Variants in KCNIP3 observed in about 807,000 individuals in gnomAD.
KCNIP3 encodes the protein calsenilin.
Under a neutral mutation model 35.0 loss-of-function variants are expected in KCNIP3, and 28 were observed. That is an observed-to-expected ratio of 0.80 (90% CI 0.59 to 1.10). The LOEUF (loss-of-function observed/expected upper bound fraction) is 1.10. KCNIP3 is among the 50% of genes least tolerant of loss of function. The pLI, the probability that KCNIP3 is intolerant of heterozygous loss-of-function variation, is 0.00. For synonymous variants in KCNIP3, 134 were observed against 133.8 expected (o/e 1.00, Z -0.01); for missense variants, 295 against 338.4 (o/e 0.87, Z 1.01).
intron 2 of KCNIP3, among the ~76,000 whole-genome samples, chr2:95,330,217 T>C (rs778278677): frequency 1.6e-4 from 24 of 152,082 alleles, no homozygotes; most frequent in Non-Finnish European, 3.1e-4. Context: ...CTGGGGCATC[T>C]CGAGGTGACA....
At chr2:95,333,119 A>AT (rs1678973298) in intron 2 of KCNIP3, among the ~76,000 whole-genome samples, 2 of 152,252 alleles carry the variant, frequency 1.3e-5, no homozygotes, top group African/African-American at 4.8e-5. Context: ...GTCACGCTGC[A>AT]GCTAGAGTGG....
chr2:95,298,208 C>T (rs1174749816), intron 1 of KCNIP3, among the ~76,000 whole-genome samples: 2 of 122,390 alleles, frequency 1.6e-5, no homozygotes, highest in Non-Finnish European at 3.4e-5. Context: ...CTGTGAGCTG[C>T]TCACACATTC....
At position 95,330,246 on chromosome 2, in the gene KCNIP3, T is replaced by C. The variant is rs79324912; in HGVS notation, c.181+19726T>C. On this transcript the variant is annotated intron_variant, in intron 2 of 8. Transcript: ENST00000295225. ...GGTGACAGGGGAGGCTGATTCTGAA[T>C]GGGTCCCTGGACAGGCCTCAGCCCA... 1.4e-3 allele frequency among the ~76,000 whole-genome samples: 210 copies of C among 152,212 alleles called. 6 individuals are homozygous for C. The East Asian group carries it at 0.037, about 27-fold the overall frequency.
At chr2:95,342,417 G>A (rs1020529237) in intron 2 of KCNIP3, among the ~76,000 whole-genome samples, 1 of 152,206 alleles carries the variant, frequency 6.6e-6, no homozygotes, top group African/African-American at 2.4e-5. Flanking sequence ...GCTTGGATTA[G>A]GGGCCTTCTT....
intron 1 of KCNIP3, among the ~76,000 whole-genome samples, chr2:95,306,674 G>A (rs1347005679): frequency 6.6e-6 from 1 of 152,182 alleles, no homozygotes; most frequent in African/African-American, 2.4e-5. Flanking sequence ...GGAGGGGCAC[G>A]GTGGGGCTGT....
At chr2:95,331,340 G>A (rs1195194212) in intron 2 of KCNIP3, among the ~76,000 whole-genome samples, 1 of 152,120 alleles carries the variant, frequency 6.6e-6, no homozygotes, top group Non-Finnish European at 1.5e-5. Context: ...TATTCACTGT[G>A]GTGGGAAAAA....
At position 95,384,389 on chromosome 2, in the gene KCNIP3, G is replaced by A. The variant is rs919099390; in HGVS notation, c.*340G>A. The A allele has an allele frequency of 2.7e-5, 10 of 370,388 alleles. No individual in the cohort carries two copies. The highest frequency in any genetic ancestry group is 7.6e-4 in the Middle Eastern group (1 of 1,322). 22.9% of individuals were successfully genotyped at this position (370,388 alleles called of 1,614,324 possible). On this transcript the variant is annotated 3_prime_UTR_variant, in exon 9 of 9. Coordinates refer to ENST00000295225, the MANE Select transcript of KCNIP3 (RefSeq NM_013434.5). ...GCTGGATGTCACCAAGAAGGGGCTC[G>A]AGTGCCCCTGCAGGGGAGGGTCCAA...
chr2:95,311,912 G>A (rs1457855905), intron 2 of KCNIP3: 1 of 152,242 alleles, frequency 6.6e-6, no homozygotes, highest in Non-Finnish European at 1.5e-5. Flanking sequence ...ACATGATGAG[G>A]TCACTAAAAG....
intron 2 of KCNIP3, among the ~76,000 whole-genome samples, chr2:95,325,156 A>G (rs370467954): frequency 8.5e-5 from 13 of 152,252 alleles, no homozygotes; most frequent in African/African-American, 2.9e-4. Context: ...TGGGGTCCAC[A>G]GGCCTGGACC....
intron 1 of KCNIP3, among the ~76,000 whole-genome samples, chr2:95,302,665 G>C (rs1444424013): frequency 6.6e-6 from 1 of 152,212 alleles, no homozygotes; most frequent in Non-Finnish European, 1.5e-5. Flanking sequence ...TTTTGCAGAT[G>C]AGTAAACTGA....
intron 3 of KCNIP3, 142 bp from the exon 4 acceptor site, chr2:95,374,706 C>A: frequency 1.0e-6 from 1 of 972,794 alleles, no homozygotes; most frequent in South Asian, 1.5e-5. Context: ...AGGCTTTCCA[C>A]AACCCAGGCC....
At chr2:95,352,655 C>G (rs145164529) in intron 2 of KCNIP3, among the ~76,000 whole-genome samples, 4 of 152,148 alleles carry the variant, frequency 2.6e-5, no homozygotes, top group Non-Finnish European at 5.9e-5. Context: ...TAAACTTCCT[C>G]TGCCCTCCCT....
At position 95,297,442 on chromosome 2, in the gene KCNIP3, C is replaced by T; in HGVS notation, c.4C>T (p.Gln2Ter). ...ACAGTTTTCTTCAGCGCCCAGGATGCAGCCGGCTAAGGTAGGTGCTGGGGG... is the reference window on the plus strand; with the variant it reads ...ACAGTTTTCTTCAGCGCCCAGGATGTAGCCGGCTAAGGTAGGTGCTGGGGG... M[Q>*]PAKEVTKASD... The change falls in exon 1 of 9, where the codon CAG becomes TAG. Residue 2 changes from glutamine to a stop codon, truncating the protein, a stop_gained. Transcript: ENST00000295225. LOFTEE classifies it high-confidence loss of function. 1 of 1,539,578 alleles carries T rather than the reference C, an allele frequency of 6.5e-7. No homozygotes were observed. The highest frequency in any genetic ancestry group is 1.2e-5 in the South Asian group (1 of 84,510).
intron 2 of KCNIP3, among the ~76,000 whole-genome samples, chr2:95,324,735 AC>A (rs907861272): frequency 6.6e-6 from 1 of 151,296 alleles, no homozygotes; most frequent in African/African-American, 2.4e-5. Context: ...ATATGGTGAA[AC>A]CCCGTCTCTA....
chr2:95,321,052 C>T (rs1423429579), intron 2 of KCNIP3, among the ~76,000 whole-genome samples: 1 of 145,642 alleles, frequency 6.9e-6, no homozygotes, highest in Non-Finnish European at 1.5e-5. Context: ...GCCTCTCCTC[C>T]CCACACCCCA....
intron 2 of KCNIP3, among the ~76,000 whole-genome samples, chr2:95,366,660 G>T (rs1038319755): frequency 1.3e-5 from 2 of 152,064 alleles, no homozygotes; most frequent in African/African-American, 2.4e-5. Context: ...AGTGGTTCCC[G>T]TCGCTCTGCA....
intron 1 of KCNIP3, among the ~76,000 whole-genome samples, chr2:95,304,712 G>T (rs549392077): frequency 2.0e-5 from 3 of 152,316 alleles, no homozygotes; most frequent in South Asian, 2.1e-4. Context: ...ACCTCAAAAA[G>T]TTGGTGTGAC....
At chr2:95,342,375 G>C (rs904935471) in intron 2 of KCNIP3, among the ~76,000 whole-genome samples, 3 of 152,226 alleles carry the variant, frequency 2.0e-5, no homozygotes, top group African/African-American at 7.2e-5. Flanking sequence ...AAGTCATGTT[G>C]AAACACCTGG....
intron 2 of KCNIP3, among the ~76,000 whole-genome samples, chr2:95,318,774 T>G (rs1182452401): frequency 1.3e-5 from 2 of 152,122 alleles, no homozygotes; most frequent in Non-Finnish European, 2.9e-5. Flanking sequence ...CAGCTTGGAG[T>G]GCTGAGCAAG....
Sources: gnomAD v4.1 joint callset for allele counts (sites outside exome capture counted in the v4.1 genomes callset) on GRCh38, gnomAD v4.1.1 for gene constraint, MANE v1.5 for transcripts, NCBI Gene and HGNC (gene_info 2026-07-23, HGNC 2026-07-21) for gene names.